ADGRL3: variants seen among roughly 807,000 people sequenced by gnomAD.
ADGRL3 encodes the protein calcium-independent alpha-latrotoxin receptor 3.
ADGRL3 carries 62 observed loss-of-function variants against 153.5 expected under a neutral mutation model. The ratio of observed to expected loss-of-function variants is 0.40; its 90% CI spans 0.33 to 0.50. The LOEUF is 0.50. Among genes scored for constraint, ADGRL3 ranks in the 20% least tolerant of loss-of-function variants. The probability of loss-of-function intolerance (pLI) is 0.47; values close to 1 mark genes in which losing one functional copy is unlikely to be tolerated. For missense variants in ADGRL3, 1,641 were observed against 1,859.4 expected (o/e 0.88, Z 2.16); for synonymous variants, 710 against 672.5 (o/e 1.06, Z -0.86).
Position 62,072,951 on chromosome 4 carries a change from G to A in ADGRL3, c.*2043G>A, listed in dbSNP as rs1021789664. ...TGTTTTTTTCTTATTCTATATATGA[G>A]GGAAATCGGAAAAGATAAAGAAGTT... On this transcript the variant is annotated 3_prime_UTR_variant, in exon 27 of 27. Transcript: ENST00000683033. The A allele has an allele frequency of 1.6e-4, 25 of 151,922 alleles. No individual in the cohort carries two copies. Among genetic ancestry groups the A allele is most frequent in the African/African-American group, 6.0e-4 (25 of 41,364 alleles). 9.4% of individuals were successfully genotyped at this position (151,922 alleles called of 1,614,324 possible). A position where few individuals can be genotyped will look rare whatever the true frequency, so the allele number is the denominator to read the frequency against.
chr4:61,482,022 A>G lies in ADGRL3; in HGVS notation c.-173-15099A>G, dbSNP rs932853288. Among the ~76,000 whole-genome samples, 7 of 152,312 alleles carry G rather than the reference A, an allele frequency of 4.6e-5. No homozygotes were observed. In the East Asian group the frequency reaches 1.2e-3, roughly 25 times the overall value. ...TCACTAAAATATAAATCAATGTCCAAAAAGAAAGAAGAAAATAATTTGGAG... is the reference window on the plus strand; with the variant it reads ...TCACTAAAATATAAATCAATGTCCAGAAAGAAAGAAGAAAATAATTTGGAG... On this transcript the variant is annotated intron_variant, in intron 2 of 26. Coordinates refer to ENST00000683033, the MANE Select transcript of ADGRL3 (RefSeq NM_001387552.1).
At chr4:62,010,607 G>A (rs2099181175) in intron 21 of ADGRL3, among the ~76,000 whole-genome samples, 1 of 152,162 alleles carries the variant, frequency 6.6e-6, no homozygotes, top group Middle Eastern at 3.5e-3. Context: ...TTTTTAAGCT[G>A]TGAAACAGTT....
At chr4:61,742,771 T>C (rs1312886186) in intron 8 of ADGRL3, among the ~76,000 whole-genome samples, 1 of 152,184 alleles carries the variant, frequency 6.6e-6, no homozygotes, top group East Asian at 1.9e-4. Context: ...TCTACTATAC[T>C]ATATAATTTT....
chr4:61,786,076 T>G (rs960679249), intron 8 of ADGRL3, among the ~76,000 whole-genome samples: 1 of 152,138 alleles, frequency 6.6e-6, no homozygotes, highest in African/African-American at 2.4e-5. Flanking sequence ...TCTAAGACAG[T>G]TATATATACT....
chr4:61,764,609 T>C (rs2096953796), intron 8 of ADGRL3, among the ~76,000 whole-genome samples: 2 of 152,140 alleles, frequency 1.3e-5, no homozygotes, highest in Non-Finnish European at 2.9e-5. Context: ...TTCACTTCTT[T>C]TGTGATTCTT....
At chr4:61,691,606 C>T (rs1431379750) in intron 6 of ADGRL3, among the ~76,000 whole-genome samples, 1 of 152,092 alleles carries the variant, frequency 6.6e-6, no homozygotes, top group Non-Finnish European at 1.5e-5. Flanking sequence ...AAACAGTTTC[C>T]AGCACACAAG....
intron 4 of ADGRL3, among the ~76,000 whole-genome samples, chr4:61,563,334 T>A (rs1051844771): frequency 6.6e-6 from 1 of 152,176 alleles, no homozygotes; most frequent in African/African-American, 2.4e-5. Flanking sequence ...CATAAACAGA[T>A]GTGCTGTCAT....
intron 24 of ADGRL3, among the ~76,000 whole-genome samples, chr4:62,042,699 AGACAAG>A (rs746086888): frequency 3.3e-5 from 5 of 152,098 alleles, no homozygotes; most frequent in Non-Finnish European, 7.4e-5. Context: ...CAGACTCCCT[AGACAAG>A]GACATATCCC....
At chr4:61,750,573 C>T (rs2096742165) in intron 8 of ADGRL3, among the ~76,000 whole-genome samples, 2 of 152,104 alleles carry the variant, frequency 1.3e-5, no homozygotes, top group Middle Eastern at 3.4e-3. Context: ...GGGCGGATCA[C>T]GAGGTCAGGA....
At chr4:61,436,888 A>AT (rs1182513569) in intron 2 of ADGRL3, among the ~76,000 whole-genome samples, 1 of 18,066 alleles carries the variant, frequency 5.5e-5, no homozygotes, top group Non-Finnish European at 2.6e-3. Context: ...GGTACTTGAT[A>AT]TCAAAAAAAA....
At chr4:62,023,985 G>A (rs967784020) in intron 21 of ADGRL3, among the ~76,000 whole-genome samples, 2 of 152,036 alleles carry the variant, frequency 1.3e-5, no homozygotes, top group Non-Finnish European at 2.9e-5. Flanking sequence ...TATAAATGAA[G>A]TACAACTTAA....
intron 4 of ADGRL3, among the ~76,000 whole-genome samples, chr4:61,558,132 CAT>C (rs1218786987): frequency 3.7e-5 from 5 of 133,886 alleles, no homozygotes; most frequent in East Asian, 4.5e-4. Flanking sequence ...ATGTAGGAAT[CAT>C]ATATATATGT....
intron 5 of ADGRL3, among the ~76,000 whole-genome samples, chr4:61,666,977 GA>G (rs1297618811): frequency 3.9e-5 from 6 of 152,256 alleles, no homozygotes; most frequent in African/African-American, 1.4e-4. Flanking sequence ...CACTGGTACA[GA>G]AGCCAGGGCT....
At chr4:61,298,462 T>C (rs2094482406) in intron 1 of ADGRL3, among the ~76,000 whole-genome samples, 1 of 152,210 alleles carries the variant, frequency 6.6e-6, no homozygotes, top group South Asian at 2.1e-4. Flanking sequence ...TTTTGAGTCT[T>C]CTTTTGTTGC....
intron 2 of ADGRL3, among the ~76,000 whole-genome samples, chr4:61,476,800 C>A (rs1020772838): frequency 6.7e-6 from 1 of 150,096 alleles, no homozygotes; most frequent in Non-Finnish European, 1.5e-5. Context: ...GGTCTGGAAC[C>A]GCTGACCTCA....
In ADGRL3 at chr4:62,075,350, C is replaced by G. The variant is rs1446066983; in HGVS notation, c.*4442C>G. 6.6e-6 allele frequency: 1 copy of G among 151,982 alleles called. No homozygotes were observed. Among genetic ancestry groups the G allele is most frequent in the Non-Finnish European group, 1.5e-5 (1 of 68,032 alleles). The allele number at this position is 151,982 out of a possible 1,614,324, so 9.4% of individuals were successfully genotyped here. On this transcript the variant is annotated 3_prime_UTR_variant, in exon 27 of 27. Transcript: ENST00000683033. The stretch of plus-strand genomic sequence containing the variant: ...ACAGGTTTGAGCCACAGCACTTGGC[C>G]TGTGATGTATTGCAGAGGGAAAAAA...
At chr4:61,792,812 T>C (rs1474731494) in intron 8 of ADGRL3, among the ~76,000 whole-genome samples, 2 of 151,922 alleles carry the variant, frequency 1.3e-5, no homozygotes, top group Non-Finnish European at 2.9e-5. Context: ...TTAAATCTTT[T>C]TCTGAGCCCT....
chr4:61,809,400 G>A (rs2097583589), intron 8 of ADGRL3, among the ~76,000 whole-genome samples: 1 of 152,106 alleles, frequency 6.6e-6, no homozygotes, highest in South Asian at 2.1e-4. Context: ...AAAAGCATCT[G>A]ATAGCAGCAT....
chr4:61,290,216 G>T (rs1203391619), intron 1 of ADGRL3, among the ~76,000 whole-genome samples: 1 of 151,964 alleles, frequency 6.6e-6, no homozygotes, highest in Non-Finnish European at 1.5e-5. Context: ...CTATCCACAC[G>T]AATCAGCCAC....
Sources: gnomAD v4.1 joint callset for allele counts (sites outside exome capture counted in the v4.1 genomes callset) on GRCh38, gnomAD v4.1.1 for gene constraint, MANE v1.5 for transcripts, NCBI Gene and HGNC (gene_info 2026-07-23, HGNC 2026-07-21) for gene names.